Variants in DNAH9 observed in about 807,000 individuals in gnomAD.
DNAH9 encodes the protein dynein axonemal heavy chain 9.
A neutral mutation model predicts 471.6 loss-of-function variants in DNAH9; 345 were observed. The observed-to-expected ratio is 0.73, with a 90% CI of 0.67 to 0.80. The LOEUF is 0.80. Ranked by LOEUF, DNAH9 falls within the 30% of genes least tolerant of loss-of-function variation. The pLI, the probability that DNAH9 is intolerant of heterozygous loss-of-function variation, is 0.00. For synonymous variants in DNAH9, 2,093 were observed against 2,123.6 expected (o/e 0.99, Z 0.40); for missense variants, 5,407 against 5,609.2 (o/e 0.96, Z 1.15).
chr17:11,606,443 C>CTTTTTTTTTTTTTTTTTTTTTTT (rs1404986645), intron 1 of DNAH9, among the ~76,000 whole-genome samples: 6 of 69,132 alleles, frequency 8.7e-5, no homozygotes, highest in African/African-American at 2.8e-4. Context: ...CTTTTCTTTT[C>CTTTTTTTTTTTTTTTTTTTTTTT]TTTTCTTTTC....
intron 38 of DNAH9, among the ~76,000 whole-genome samples, chr17:11,778,998 C>T (rs1160862040): frequency 6.6e-6 from 1 of 152,012 alleles, no homozygotes; most frequent in Non-Finnish European, 1.5e-5. Context: ...AAGAGTGAAA[C>T]TCCATCTCAA....
At chr17:11,636,896 A>T (rs2073177193) in intron 9 of DNAH9, 112 bp downstream of exon 9, 1 of 1,002,462 alleles carries the variant, frequency 1.0e-6, no homozygotes, top group Admixed American at 2.2e-5. Context: ...TTCTCAAAAA[A>T]GAGCAAGCAC....
At chr17:11,857,732 T>G (rs912775814) in intron 50 of DNAH9, among the ~76,000 whole-genome samples, 7 of 152,324 alleles carry the variant, frequency 4.6e-5, no homozygotes, top group African/African-American at 1.7e-4. Context: ...GGCATTTGTG[T>G]TGTCAGGAGA....
At chr17:11,721,674 G>C (rs954653580) in intron 27 of DNAH9, among the ~76,000 whole-genome samples, 7 of 152,048 alleles carry the variant, frequency 4.6e-5, no homozygotes, top group Admixed American at 4.6e-4. Flanking sequence ...ATTTTAGGTA[G>C]ATAAATGATA....
intron 22 of DNAH9, among the ~76,000 whole-genome samples, chr17:11,696,240 C>G (rs927424566): frequency 6.6e-6 from 1 of 152,308 alleles, no homozygotes; most frequent in Non-Finnish European, 1.5e-5. Context: ...GCTACGCCTA[C>G]CTGTTTGCAC....
At chr17:11,754,397 A>G (rs2150855069) in intron 33 of DNAH9, among the ~76,000 whole-genome samples, 1 of 152,296 alleles carries the variant, frequency 6.6e-6, no homozygotes, top group Admixed American at 6.5e-5. Context: ...TTGTGGAGGC[A>G]CCATACCGCT....
intron 14 of DNAH9, among the ~76,000 whole-genome samples, chr17:11,664,491 C>A (rs2073832577): frequency 6.6e-6 from 1 of 152,186 alleles, no homozygotes; most frequent in Non-Finnish European, 1.5e-5. Flanking sequence ...CCTCTGCCTA[C>A]CCTCACTTCT....
chr17:11,940,148 A>G (rs1035148103), intron 66 of DNAH9, among the ~76,000 whole-genome samples: 1 of 152,362 alleles, frequency 6.6e-6, no homozygotes, highest in Non-Finnish European at 1.5e-5. Context: ...GGAAGAAAGC[A>G]GAAGTGTTTG....
intron 41 of DNAH9, among the ~76,000 whole-genome samples, chr17:11,785,554 G>A (rs572459073): frequency 1.3e-5 from 2 of 152,250 alleles, no homozygotes; most frequent in Admixed American, 1.3e-4. Context: ...CCCTGGTTCA[G>A]AGACTCAAGA....
intron 28 of DNAH9, among the ~76,000 whole-genome samples, chr17:11,738,535 C>T (rs528864159): frequency 3.9e-5 from 6 of 152,310 alleles, no homozygotes; most frequent in African/African-American, 1.2e-4. Flanking sequence ...TGCACACCAC[C>T]ATACCCGGCT....
At chr17:11,783,043 C>G (rs1482332526) in intron 39 of DNAH9, among the ~76,000 whole-genome samples, 1 of 152,230 alleles carries the variant, frequency 6.6e-6, no homozygotes, top group Non-Finnish European at 1.5e-5. Context: ...CTCCACTGTT[C>G]TTACTAAACT....
chr17:11,843,129 T>C (rs28494779), intron 49 of DNAH9, among the ~76,000 whole-genome samples: 81,442 of 151,984 alleles, frequency 0.54, 22,572 homozygotes, highest in African/African-American at 0.63. Flanking sequence ...GTAGAGAAAG[T>C]GCAATGACAG....
rs202203822 is a variant in DNAH9 at position 11,883,542 on chromosome 17, C to T, written c.10807-44C>T. 1.2e-5 allele frequency: 20 copies of T among 1,605,600 alleles called. No individual in the cohort carries two copies. In the Admixed American group the frequency reaches 2.0e-4, roughly 16 times the overall value. On this transcript the variant is annotated intron_variant, in intron 55 of 68. Transcript: ENST00000262442. ...TCAGACACATCCTTAGAGCAGGATGCCCTGGGCATCTGCACCTGACTGTCT... is the reference window on the plus strand; with the variant it reads ...TCAGACACATCCTTAGAGCAGGATGTCCTGGGCATCTGCACCTGACTGTCT...
intron 59 of DNAH9, 137 bp downstream of exon 59, chr17:11,894,633 C>T (rs1973167242): frequency 1.8e-6 from 2 of 1,130,772 alleles, no homozygotes; most frequent in East Asian, 2.5e-5. Context: ...GCATCCCTTT[C>T]CTTGCGTCCC....
At position 11,892,932 on chromosome 17, in the gene DNAH9, T is replaced by A. The variant is rs998923727; in HGVS notation, c.11283+985T>A. Among the ~76,000 whole-genome samples, 2 of 152,114 alleles carry A rather than the reference T, an allele frequency of 1.3e-5. No homozygotes were observed. Among genetic ancestry groups the A allele is most frequent in the Non-Finnish European group, 2.9e-5 (2 of 68,020 alleles). Reference sequence around the variant, plus strand: ...CAATATGTAAATTGGGAGCACAGACTAATTATCTCGAAGGCCCTTTCCTTG... The same window carrying A: ...CAATATGTAAATTGGGAGCACAGACAAATTATCTCGAAGGCCCTTTCCTTG... On this transcript the variant is annotated intron_variant, in intron 58 of 68. Transcript: ENST00000262442. The surrounding 1 kb of genome is among the most constrained non-coding windows in gnomAD (Gnocchi z 4.3).
In DNAH9 at chr17:11,611,579, G is replaced by C; in HGVS notation, c.774-71G>C. On this transcript the variant is annotated intron_variant, in intron 3 of 68. Transcript: ENST00000262442. The stretch of plus-strand genomic sequence containing the variant: ...CAGGGCTCCTCTCTTTCTGTGTGAC[G>C]ATGGGTCATCACAGTGTGACTTGCA... 2.0e-6 allele frequency: 3 copies of C among 1,492,390 alleles called. No individual in the cohort carries two copies. The African/African-American group carries it at 4.1e-5, about 21-fold the overall frequency. The allele number at this position is 1,492,390 out of a possible 1,614,324, so 92.4% of individuals were successfully genotyped here.
chr17:11,950,992 G>C (rs551630146), intron 67 of DNAH9, among the ~76,000 whole-genome samples: 1 of 152,056 alleles, frequency 6.6e-6, no homozygotes, highest in African/African-American at 2.4e-5. Context: ...TCACGTTATC[G>C]GGTGACTCCA....
At chr17:11,905,897 C>A in intron 61 of DNAH9, 88 bp downstream of exon 61, 2 of 1,442,308 alleles carry the variant, frequency 1.4e-6, no homozygotes, top group South Asian at 1.5e-5. Context: ...TTTCTGGATT[C>A]AAGCTTCAAA....
At chr17:11,743,813 G>C (rs886935164) in intron 30 of DNAH9, among the ~76,000 whole-genome samples, 1 of 149,832 alleles carries the variant, frequency 6.7e-6, no homozygotes, top group Non-Finnish European at 1.5e-5. Context: ...TCATTGCATA[G>C]CACATTTTTC....
Sources: gnomAD v4.1 joint callset for allele counts (sites outside exome capture counted in the v4.1 genomes callset) on GRCh38, gnomAD v4.1.1 for gene constraint, Gnocchi (gnomAD v3.1) non-coding constraint, MANE v1.5 for transcripts, NCBI Gene and HGNC (gene_info 2026-07-23, HGNC 2026-07-21) for gene names.